LPCAT2: variants seen among roughly 807,000 people sequenced by gnomAD.
LPCAT2 encodes lysophosphatidylcholine acyltransferase 2.
Under a neutral mutation model 64.7 loss-of-function variants are expected in LPCAT2, and 58 were observed. The ratio of observed to expected loss-of-function variants is 0.90; its 90% CI spans 0.73 to 1.12. The LOEUF is 1.12. Ranked by LOEUF, LPCAT2 falls within the 50% of genes most tolerant of loss-of-function variation. The pLI is 0.00. For missense variants in LPCAT2, 579 were observed against 669.8 expected (o/e 0.86, Z 1.50); for synonymous variants, 252 against 245.3 (o/e 1.03, Z -0.26).
At chr16:55,562,790 C>T (rs1318291948) in intron 11 of LPCAT2, among the ~76,000 whole-genome samples, 4 of 151,726 alleles carry the variant, frequency 2.6e-5, no homozygotes, top group African/African-American at 9.7e-5. Context: ...CCCCCAAATG[C>T]TAAGTAATAT....
intron 8 of LPCAT2, among the ~76,000 whole-genome samples, chr16:55,542,385 G>A (rs796777597): frequency 6.6e-6 from 1 of 152,100 alleles, no homozygotes; most frequent in Non-Finnish European, 1.5e-5. Flanking sequence ...AATTTCAGGT[G>A]CAATAGAAGG....
In LPCAT2 at chr16:55,534,493, C is replaced by A; in HGVS notation, c.797+16C>A. The A allele has an allele frequency of 7.7e-7, 1 of 1,290,406 alleles. No individual in the cohort carries two copies. Among genetic ancestry groups the A allele is most frequent in the Non-Finnish European group, 1.1e-6 (1 of 933,768 alleles). The allele number at this position is 1,290,406 out of a possible 1,614,324, so 79.9% of individuals were successfully genotyped here. ...GATATACATTGTAAGTCACTTATGTCTATTATTAGTTTATATAAATTTTAT... is the reference window on the plus strand; with the variant it reads ...GATATACATTGTAAGTCACTTATGTATATTATTAGTTTATATAAATTTTAT... On this transcript the variant is annotated intron_variant, in intron 7 of 13. Coordinates refer to ENST00000262134, the MANE Select transcript of LPCAT2 (RefSeq NM_017839.5).
chr16:55,564,447 A>C (rs1425482186), intron 11 of LPCAT2, among the ~76,000 whole-genome samples: 1 of 152,006 alleles, frequency 6.6e-6, no homozygotes, highest in Non-Finnish European at 1.5e-5. Flanking sequence ...TTCAAACCTT[A>C]CTTCAAACCT....
At chr16:55,524,796 G>T (rs1963145484) in intron 1 of LPCAT2, among the ~76,000 whole-genome samples, 1 of 151,848 alleles carries the variant, frequency 6.6e-6, no homozygotes, top group Non-Finnish European at 1.5e-5. Flanking sequence ...TCAAATCCTG[G>T]TTCTACCACT....
intron 8 of LPCAT2, among the ~76,000 whole-genome samples, chr16:55,543,905 A>C (rs1963424432): frequency 6.6e-6 from 1 of 152,248 alleles, no homozygotes; most frequent in Non-Finnish European, 1.5e-5. Flanking sequence ...AGAGGAAATA[A>C]TCAGATAAAT....
intron 11 of LPCAT2, chr16:55,566,700 A>G (rs1052466735): frequency 3.6e-5 from 55 of 1,538,426 alleles, no homozygotes; most frequent in Non-Finnish European, 4.5e-5. Flanking sequence ...ACTCCATTTC[A>G]TCTTTTTTCA....
chr16:55,582,996 G>T lies in LPCAT2; in HGVS notation c.1533G>T (p.Val511=). 1.9e-6 allele frequency: 3 copies of T among 1,613,728 alleles called. No homozygotes were observed. The highest frequency in any genetic ancestry group is 2.5e-6 in the Non-Finnish European group (3 of 1,179,792). The change falls in exon 14 of 14, where the codon GTG becomes GTT. Residue 511 remains valine, a synonymous_variant. Transcript: ENST00000262134. ...ACCTAGACCTCCAGACGTGCCATGT[G>T]TTTTCATTACCAAAAGAAGTCCAGA... The part of the protein sequence containing the change: ...TTYLDLQTCH[V]FSLPKEVQTT...
rs745427206 is a variant in LPCAT2, at chr16:55,550,989, G to A, written c.1102G>A (p.Ala368Thr). 82 of 1,608,834 alleles carry A rather than the reference G, an allele frequency of 5.1e-5. No individual in the cohort carries two copies. Among genetic ancestry groups the A allele is most frequent in the Non-Finnish European group, 6.8e-5 (80 of 1,176,510 alleles). ...TGTTCGTAAGCATTTGGATGAATAT[G>A]CATCTATTGCGAGTTCCTCAAAAGG... is the stretch of plus-strand genomic sequence containing the variant. ...DGVRKHLDEY[A>T]SIASSSKGGR... The change falls in exon 11 of 14, where the codon GCA (alanine) becomes ACA (threonine). Residue 368 changes from alanine to threonine, a missense_variant. Coordinates refer to ENST00000262134, the MANE Select transcript of LPCAT2 (RefSeq NM_017839.5).
In LPCAT2 at chr16:55,521,988, G is replaced by A. The variant is rs190111418; in HGVS notation, c.172-3520G>A. Among the ~76,000 whole-genome samples the A allele has an allele frequency of 2.2e-3, 332 of 150,090 alleles. 4 individuals carry two copies. Among genetic ancestry groups the A allele is most frequent in the African/African-American group, 7.8e-3 (323 of 41,190 alleles). ...GTTCAACATTACGCTAGGGATCCTAGCCAGTGCAATAAGATAAGAAAAAGA... is the reference window on the plus strand; with the variant it reads ...GTTCAACATTACGCTAGGGATCCTAACCAGTGCAATAAGATAAGAAAAAGA... On this transcript the variant is annotated intron_variant, in intron 1 of 13. Coordinates refer to ENST00000262134, the MANE Select transcript of LPCAT2 (RefSeq NM_017839.5).
At chr16:55,528,740 C>A (rs1408490353) in intron 3 of LPCAT2, 146 bp downstream of exon 3, 5 of 654,042 alleles carry the variant, frequency 7.6e-6, no homozygotes, top group African/African-American at 3.7e-5. Context: ...TAAGTTACTA[C>A]ATGGAAATAG....
intron 1 of LPCAT2, 90 bp downstream of exon 1, chr16:55,509,442 AG>A: frequency 9.4e-7 from 1 of 1,066,784 alleles, no homozygotes; most frequent in Non-Finnish European, 1.2e-6. Flanking sequence ...CTGAGAGAGG[AG>A]GGCGGCCGAG....
intron 2 of LPCAT2, among the ~76,000 whole-genome samples, chr16:55,526,790 A>G (rs1963176596): frequency 6.6e-6 from 1 of 152,234 alleles, no homozygotes; most frequent in South Asian, 2.1e-4. Flanking sequence ...TAAATAATCC[A>G]GACAATAGAT....
intron 11 of LPCAT2, chr16:55,551,340 C>CAT (rs879314834): frequency 0.012 from 2,123 of 175,256 alleles, 30 homozygotes; most frequent in Non-Finnish European, 0.017. Context: ...CATATCATAT[C>CAT]ATATATATAT....
intron 11 of LPCAT2, among the ~76,000 whole-genome samples, chr16:55,552,155 G>C (rs1207910710): frequency 5.9e-5 from 9 of 152,080 alleles, no homozygotes; most frequent in Non-Finnish European, 1.3e-4. Flanking sequence ...CATCAATATA[G>C]TTTATCTTTT....
chr16:55,566,961 A>G, intron 11 of LPCAT2: 1 of 1,613,850 alleles, frequency 6.2e-7, no homozygotes, highest in Non-Finnish European at 8.5e-7. Flanking sequence ...GCATTTCACC[A>G]GTGTGGAGGC....
At chr16:55,520,232 A>G (rs1458024310) in intron 1 of LPCAT2, among the ~76,000 whole-genome samples, 1 of 152,120 alleles carries the variant, frequency 6.6e-6, no homozygotes, top group African/African-American at 2.4e-5. Flanking sequence ...TAAGAAGCTG[A>G]TATGACTGTA....
At chr16:55,528,248 T>C in intron 2 of LPCAT2, 129 bp from the exon 3 acceptor site, 1 of 677,388 alleles carries the variant, frequency 1.5e-6, no homozygotes, top group South Asian at 2.0e-5. Context: ...TTAGCTGTTA[T>C]TCTCCTCAGC....
intron 11 of LPCAT2, among the ~76,000 whole-genome samples, chr16:55,563,192 T>A (rs1365100465): frequency 6.6e-6 from 1 of 151,762 alleles, no homozygotes; most frequent in African/African-American, 2.4e-5. Flanking sequence ...GTAAAACATA[T>A]GAATAGACCT....
chr16:55,531,203 T>C (rs1321501262), intron 4 of LPCAT2, among the ~76,000 whole-genome samples: 2 of 152,176 alleles, frequency 1.3e-5, no homozygotes, highest in Admixed American at 1.3e-4. Flanking sequence ...TAAAAACACT[T>C]TGCTAACTGC....
Sources: allele counts gnomAD v4.1 joint callset (sites outside exome capture counted in the v4.1 genomes callset), GRCh38; gene constraint gnomAD v4.1.1; transcripts MANE v1.5; gene names NCBI Gene and HGNC (gene_info 2026-07-23, HGNC 2026-07-21).